Variants in JADE3 observed in about 807,000 individuals in gnomAD.
JADE3 encodes jade family PHD finger 3.
Under a neutral mutation model 50.1 loss-of-function variants are expected in JADE3, and 2 were observed. The observed-to-expected ratio is 0.04, with a 90% CI of 0.02 to 0.13. The LOEUF is 0.13. Ranked by LOEUF, JADE3 falls within the 10% of genes least tolerant of loss-of-function variation. The pLI is 1.00. For synonymous variants in JADE3, 218 were observed against 232.9 expected (o/e 0.94, Z 0.58); for missense variants, 475 against 634.4 (o/e 0.75, Z 2.70).
In JADE3 at chrX:47,059,018, C is replaced by T. The variant is rs782817428; in HGVS notation, c.2413C>T (p.Arg805Trp). The T allele has an allele frequency of 3.2e-5, 39 of 1,206,093 alleles. No individual in the cohort carries two copies. The highest frequency in any genetic ancestry group is 8.8e-5 in the African/African-American group (5 of 57,069). Reference protein sequence around the residue: ...DRENPPHDSRRDCHGKSKTHP... With the variant: ...DRENPPHDSRWDCHGKSKTHP... ...GGAAAATCCTCCCCATGACTCTAGA[C>T]GGGATTGCCATGGTAAAAGCAAGAC... The change falls in exon 11 of 11, where the codon CGG becomes TGG. Residue 805 changes from arginine to tryptophan, a missense_variant. This residue lies in a region of JADE3 where 243 missense variants were observed against 238.2 expected (regional missense o/e 1.02). Coordinates refer to ENST00000614628, the MANE Select transcript of JADE3 (RefSeq NM_014735.5).
intron 1 of JADE3, among the ~76,000 whole-genome samples, chrX:46,913,213 C>T (rs1250816221): frequency 4.5e-5 from 5 of 111,005 alleles, no homozygotes; most frequent in African/African-American, 6.5e-5. Flanking sequence ...GAGGGCGCGC[C>T]CTGGCTGTTT....
intron 6 of JADE3, among the ~76,000 whole-genome samples, chrX:47,031,529 A>G (rs1350872850): frequency 1.8e-5 from 2 of 111,547 alleles, no homozygotes; most frequent in African/African-American, 6.5e-5. Flanking sequence ...AAAAAAAAAT[A>G]CTAAAAATGT....
chrX:47,051,966 C>G (rs1253347511), intron 8 of JADE3, among the ~76,000 whole-genome samples: 2 of 110,632 alleles, frequency 1.8e-5, no homozygotes. Flanking sequence ...TGGTGGCGCA[C>G]GCCTATAATC....
At chrX:46,963,868 A>T (rs1471442059) in intron 1 of JADE3, among the ~76,000 whole-genome samples, 1 of 112,148 alleles carries the variant, frequency 8.9e-6, no homozygotes, top group Admixed American at 9.4e-5. Flanking sequence ...GCAAGCCACA[A>T]AGCCAGTCCA....
intron 1 of JADE3, among the ~76,000 whole-genome samples, chrX:46,968,794 A>C (rs908839612): frequency 1.8e-5 from 2 of 111,028 alleles, no homozygotes; most frequent in Admixed American, 1.9e-4. Context: ...GCAAAACCCA[A>C]CAGACCTGAA....
At chrX:46,974,612 T>G (rs934758075) in intron 1 of JADE3, among the ~76,000 whole-genome samples, 1 of 112,096 alleles carries the variant, frequency 8.9e-6, no homozygotes, top group Non-Finnish European at 1.9e-5. Context: ...CCATCACAGA[T>G]TTATTCTGAT....
Position 47,058,756 on chromosome X carries a change from A to G in JADE3, c.2151A>G (p.Lys717=), listed in dbSNP as rs1282051395. 3 of 1,207,634 alleles carry G rather than the reference A, an allele frequency of 2.5e-6. No homozygotes were observed. In the African/African-American group the frequency reaches 5.3e-5, roughly 21 times the overall value. ...TAGAACACTTTAGTAGGTCCTTTAA[A>G]GAGACCACCAATAGGTGGGTGAAGA... ...STVEHFSRSF[K]ETTNRWVKNT... Residue 717 remains lysine, a synonymous_variant, in exon 11 of 11, where the codon AAA becomes AAG. Coordinates refer to ENST00000614628, the MANE Select transcript of JADE3 (RefSeq NM_014735.5).
At chrX:46,914,747 TTCTC>T (rs782119927) in intron 1 of JADE3, among the ~76,000 whole-genome samples, 6 of 112,229 alleles carry the variant, frequency 5.3e-5, no homozygotes, top group Non-Finnish European at 1.1e-4. Flanking sequence ...AATTCACACT[TTCTC>T]TCTCCCCTCT....
At chrX:46,949,408 A>G (rs1556344272) in intron 1 of JADE3, among the ~76,000 whole-genome samples, 2 of 112,005 alleles carry the variant, frequency 1.8e-5, no homozygotes, top group African/African-American at 6.5e-5. Context: ...TGCACATGTT[A>G]AGTAAGCTTC....
chrX:47,035,613 T>C (rs1283836982), intron 7 of JADE3, among the ~76,000 whole-genome samples: 13 of 111,540 alleles, frequency 1.2e-4, no homozygotes, highest in African/African-American at 3.9e-4. Context: ...TTATGATTTC[T>C]AGTTCTTGGT....
chrX:46,953,201 C>T (rs1162332158), intron 1 of JADE3, among the ~76,000 whole-genome samples: 1 of 83,478 alleles, frequency 1.2e-5, no homozygotes, highest in Admixed American at 1.4e-4. Flanking sequence ...CAGGGGATTC[C>T]CCCCCCACCG....
At chrX:46,997,922 T>G (rs1362359849) in intron 3 of JADE3, among the ~76,000 whole-genome samples, 198 bp from the exon 4 acceptor site, 2 of 111,988 alleles carry the variant, frequency 1.8e-5, no homozygotes, top group Non-Finnish European at 3.8e-5. Context: ...TACCCTTTAT[T>G]AAATCCCAAA....
chrX:46,959,866 T>C (rs1927217475), intron 1 of JADE3, among the ~76,000 whole-genome samples: 1 of 110,477 alleles, frequency 9.1e-6, no homozygotes, highest in Admixed American at 9.6e-5. Context: ...CTGCATGCTT[T>C]GCAGGAGATT....
intron 1 of JADE3, among the ~76,000 whole-genome samples, chrX:46,967,319 G>C (rs1441805222): frequency 9.0e-6 from 1 of 111,383 alleles, no homozygotes; most frequent in Non-Finnish European, 1.9e-5. Context: ...TTGACAAGAT[G>C]GTCACTTTCC....
At chrX:46,984,339 T>C (rs781807882) in intron 1 of JADE3, among the ~76,000 whole-genome samples, 1 of 112,212 alleles carries the variant, frequency 8.9e-6, no homozygotes, top group South Asian at 3.7e-4. Flanking sequence ...TAATTTTGAC[T>C]TTAGGCTACT....
At chrX:46,922,736 G>C (rs180672711) in intron 1 of JADE3, among the ~76,000 whole-genome samples, 1 of 109,616 alleles carries the variant, frequency 9.1e-6, no homozygotes, top group East Asian at 2.9e-4. Flanking sequence ...GTCTGGTCTT[G>C]CATATTGTCT....
At chrX:47,017,536 ATGTG>A (rs1274686031) in intron 4 of JADE3, among the ~76,000 whole-genome samples, 1 of 111,999 alleles carries the variant, frequency 8.9e-6, no homozygotes, top group African/African-American at 3.2e-5. Context: ...GTGTGTGTGC[ATGTG>A]TGTATGTTTT....
intron 1 of JADE3, among the ~76,000 whole-genome samples, chrX:46,914,248 C>T (rs1182278785): frequency 9.0e-6 from 1 of 111,330 alleles, no homozygotes; most frequent in Non-Finnish European, 1.9e-5. Flanking sequence ...AGAGAGGAGT[C>T]GGTCTGAACA....
intron 1 of JADE3, among the ~76,000 whole-genome samples, chrX:46,925,218 A>T (rs1223570948): frequency 2.7e-5 from 3 of 112,512 alleles, no homozygotes; most frequent in Non-Finnish European, 3.8e-5. Flanking sequence ...CTCCTATCAC[A>T]TTCTCCTTCC....
Sources: gnomAD v4.1 joint callset for allele counts (sites outside exome capture counted in the v4.1 genomes callset) on GRCh38, gnomAD v4.1.1 for gene constraint, gnomAD v4.1.1 regional missense constraint, MANE v1.5 for transcripts, NCBI Gene and HGNC (gene_info 2026-07-23, HGNC 2026-07-21) for gene names.